The following PCNX2 variants were observed in gnomAD, a reference collection of about 807,000 sequenced individuals.
PCNX2 encodes the protein pecanex-like protein 2.
PCNX2 carries 168 observed loss-of-function variants against 223.8 expected under a neutral mutation model. The ratio of observed to expected loss-of-function variants is 0.75; its 90% CI spans 0.66 to 0.85. The LOEUF (loss-of-function observed/expected upper bound fraction) is 0.85. Ranked by LOEUF, PCNX2 falls within the 40% of genes least tolerant of loss-of-function variation. The pLI is 0.00. For missense variants in PCNX2, 2,507 were observed against 2,675.5 expected, an observed-to-expected ratio of 0.94 and a Z score of 1.39; for synonymous variants, 1,006 against 1,052.6, an observed-to-expected ratio of 0.96 and a Z score of 0.86.
At chr1:233,011,185 T>C (rs1202119132) in intron 28 of PCNX2, among the ~76,000 whole-genome samples, 2 of 152,182 alleles carry the variant, frequency 1.3e-5, no homozygotes, top group Admixed American at 1.3e-4. Flanking sequence ...CATCATTGTA[T>C]AAAAACAATA....
intron 21 of PCNX2, among the ~76,000 whole-genome samples, chr1:233,128,158 C>T (rs1676211185): frequency 6.6e-6 from 1 of 152,102 alleles, no homozygotes; most frequent in Non-Finnish European, 1.5e-5. Context: ...TTTTCATCTC[C>T]TAAGTGGCAA....
chr1:233,270,909 A>G (rs1380481251), intron 1 of PCNX2, among the ~76,000 whole-genome samples: 2 of 152,178 alleles, frequency 1.3e-5, no homozygotes, highest in African/African-American at 4.8e-5. Flanking sequence ...TTAAAATGAG[A>G]ATCATTGTAG....
Position 233,249,559 on chromosome 1 carries a change from GAGA to G in PCNX2, c.2222+1177_2222+1179del, listed in dbSNP as rs979895155. 9.8e-5 allele frequency among the ~76,000 whole-genome samples: 15 copies of G among 152,308 alleles called. No individual in the cohort carries two copies. The East Asian group carries it at 1.9e-3, about 20-fold the overall frequency. The stretch of plus-strand genomic sequence containing the variant: ...GGGGACTTTGCATGCCTGTTGGCTG[GAGA>G]AGAAGAAGTTTGTGATGTTTGGATT... On this transcript the variant is annotated intron_variant, in intron 8 of 33. Coordinates refer to ENST00000258229, the MANE Select transcript of PCNX2 (RefSeq NM_014801.4).
At chr1:233,183,190 T>C (rs1448151836) in intron 15 of PCNX2, among the ~76,000 whole-genome samples, 1 of 152,184 alleles carries the variant, frequency 6.6e-6, no homozygotes, top group Non-Finnish European at 1.5e-5. Context: ...CCCTTCAAGA[T>C]GCTACCGGCA....
At chr1:233,052,141 A>G (rs1379282525) in intron 25 of PCNX2, among the ~76,000 whole-genome samples, 1 of 152,200 alleles carries the variant, frequency 6.6e-6, no homozygotes, top group African/African-American at 2.4e-5. Flanking sequence ...AAGTGCACGG[A>G]ATGCACACCT....
intron 9 of PCNX2, among the ~76,000 whole-genome samples, chr1:233,228,617 A>G (rs1657882215): frequency 6.6e-6 from 1 of 152,160 alleles, no homozygotes; most frequent in East Asian, 1.9e-4. Context: ...AGCTTCATCC[A>G]TGTTGTAGCA....
intron 1 of PCNX2, among the ~76,000 whole-genome samples, chr1:233,285,914 T>A (rs1281829925): frequency 6.6e-6 from 1 of 152,260 alleles, no homozygotes. Flanking sequence ...CTTTGTGTCA[T>A]GATCTCCAAG....
intron 26 of PCNX2, chr1:233,018,646 G>A: frequency 2.1e-6 from 1 of 469,370 alleles, no homozygotes; most frequent in Non-Finnish European, 2.8e-6. Flanking sequence ...CTTGGATCAG[G>A]GTGTGCTGCT....
At chr1:233,237,287 G>C (rs1658482900) in intron 8 of PCNX2, among the ~76,000 whole-genome samples, 1 of 152,020 alleles carries the variant, frequency 6.6e-6, no homozygotes, top group Non-Finnish European at 1.5e-5. Flanking sequence ...TTAATGCCTG[G>C]GGAGGCCTTA....
chr1:233,283,694 G>GA lies in PCNX2; in HGVS notation c.153+11631dup, dbSNP rs768038530. 1.0e-4 allele frequency among the ~76,000 whole-genome samples: 15 copies of GA among 148,058 alleles called. No individual in the cohort carries two copies. The South Asian group carries it at 1.7e-3, about 17-fold the overall frequency. On this transcript the variant is annotated intron_variant, in intron 1 of 33. Transcript: ENST00000258229. The stretch of plus-strand genomic sequence containing the variant: ...GTGCAACAAAACTATGAGGACGGGG[G>GA]AAAAAAAAACTCTTCTTTACAGAAT...
At chr1:233,166,019 G>C (rs1362269965) in intron 17 of PCNX2, among the ~76,000 whole-genome samples, 1 of 151,984 alleles carries the variant, frequency 6.6e-6, no homozygotes, top group African/African-American at 2.4e-5. Context: ...TACACATCTA[G>C]ATCAATGGAA....
chr1:233,202,082 G>T, intron 13 of PCNX2: 1 of 418,304 alleles, frequency 2.4e-6, no homozygotes, highest in Non-Finnish European at 4.9e-6. Context: ...GAGGAAGAGG[G>T]AGTCCATGTG....
chr1:233,285,531 C>T (rs960536150), intron 1 of PCNX2, among the ~76,000 whole-genome samples: 2 of 151,796 alleles, frequency 1.3e-5, no homozygotes, highest in South Asian at 2.1e-4. Flanking sequence ...AAAAATTAGC[C>T]GGGCGTGGTG....
At chr1:233,105,968 G>A (rs1462617564) in intron 21 of PCNX2, among the ~76,000 whole-genome samples, 1 of 152,200 alleles carries the variant, frequency 6.6e-6, no homozygotes, top group African/African-American at 2.4e-5. Context: ...GGGTCTGTGT[G>A]TTTCTGCATG....
chr1:233,255,383 T>G (rs895903839), intron 5 of PCNX2, among the ~76,000 whole-genome samples: 2 of 152,178 alleles, frequency 1.3e-5, no homozygotes, highest in African/African-American at 4.8e-5. Context: ...TTTCCTTTTT[T>G]TCCACTATAA....
At chr1:233,018,115 T>C (rs1254268348) in intron 26 of PCNX2, among the ~76,000 whole-genome samples, 1 of 152,162 alleles carries the variant, frequency 6.6e-6, no homozygotes, top group Non-Finnish European at 1.5e-5. Flanking sequence ...CTTGAACTCC[T>C]GGGCTCAAGC....
upstream of PCNX2, among the ~76,000 whole-genome samples, chr1:233,295,998 C>CTTTTT (rs201102619): frequency 2.2e-4 from 21 of 96,882 alleles, 1 homozygote; most frequent in East Asian, 8.9e-4. This position sits in a 1 kb window ranked among gnomAD's most constrained non-coding sequence, Gnocchi z 4.1. Flanking sequence ...TTCTTTCTTT[C>CTTTTT]TTTCTTTTTT....
chr1:233,210,690 T>C, intron 12 of PCNX2: 1 of 977,990 alleles, frequency 1.0e-6, no homozygotes, highest in South Asian at 4.7e-5. Flanking sequence ...GGACTGATTT[T>C]TTAATTTTTC....
At chr1:233,059,142 C>T (rs1672306376) in intron 23 of PCNX2, among the ~76,000 whole-genome samples, 1 of 152,144 alleles carries the variant, frequency 6.6e-6, no homozygotes, top group East Asian at 1.9e-4. Context: ...CATTTTTCCT[C>T]ATTGACTCCT....
Sources: allele counts gnomAD v4.1 joint callset (sites outside exome capture counted in the v4.1 genomes callset), GRCh38; gene constraint gnomAD v4.1.1; non-coding constraint Gnocchi (gnomAD v3.1); transcripts MANE v1.5; gene names NCBI Gene and HGNC (gene_info 2026-07-23, HGNC 2026-07-21).